LRRTM4: variants seen among roughly 807,000 people sequenced by gnomAD.
LRRTM4 encodes leucine rich repeat transmembrane neuronal 4, also known as leucine-rich repeat transmembrane neuronal protein 4.
Under a neutral mutation model 47.6 loss-of-function variants are expected in LRRTM4, and 25 were observed. That is an observed-to-expected ratio of 0.53 (90% CI 0.38 to 0.73). The LOEUF is 0.73. Ranked by LOEUF, LRRTM4 falls within the 30% of genes least tolerant of loss-of-function variation. The pLI is 0.00. For synonymous variants in LRRTM4, 311 were observed against 269.5 expected (o/e 1.15, Z -1.51); for missense variants, 638 against 713.4 (o/e 0.89, Z 1.20).
At chr2:77,449,708 G>A (rs1044621990) in intron 3 of LRRTM4, among the ~76,000 whole-genome samples, 1 of 152,212 alleles carries the variant, frequency 6.6e-6, no homozygotes, top group African/African-American at 2.4e-5. Context: ...ACTGTATCTT[G>A]TCTAGTGTGC....
At chr2:77,209,559 T>C (rs1674235774) in intron 3 of LRRTM4, among the ~76,000 whole-genome samples, 2 of 152,202 alleles carry the variant, frequency 1.3e-5, no homozygotes, top group Non-Finnish European at 2.9e-5. Flanking sequence ...GTAGGTATTA[T>C]CGACAATGTT....
chr2:77,171,908 A>C (rs1273257552), intron 3 of LRRTM4, among the ~76,000 whole-genome samples: 1 of 152,144 alleles, frequency 6.6e-6, no homozygotes, highest in African/African-American at 2.4e-5. Flanking sequence ...GGTTTGCACA[A>C]ACTTTGTAAG....
chr2:76,925,661 T>G (rs970551180), intron 3 of LRRTM4, among the ~76,000 whole-genome samples: 3 of 152,164 alleles, frequency 2.0e-5, no homozygotes, highest in African/African-American at 7.2e-5. Context: ...TGTAAAAGTG[T>G]GCTACCTGTT....
At chr2:76,785,922 C>A (rs1404626477) in intron 3 of LRRTM4, among the ~76,000 whole-genome samples, 4 of 152,036 alleles carry the variant, frequency 2.6e-5, no homozygotes, top group Non-Finnish European at 5.9e-5. Flanking sequence ...ACAAAATGAG[C>A]CATGGGTAGA....
intron 3 of LRRTM4, among the ~76,000 whole-genome samples, chr2:77,339,341 C>A (rs1434422006): frequency 6.6e-6 from 1 of 151,924 alleles, no homozygotes; most frequent in Non-Finnish European, 1.5e-5. Flanking sequence ...TCTAAAAATA[C>A]TTTAAATATA....
At chr2:77,512,920 G>C (rs1482207610) in intron 3 of LRRTM4, among the ~76,000 whole-genome samples, 1 of 152,102 alleles carries the variant, frequency 6.6e-6, no homozygotes, top group East Asian at 1.9e-4. Flanking sequence ...TTTATTGTCA[G>C]TTTAAAATCT....
chr2:77,211,646 G>A (rs1436936435), intron 3 of LRRTM4, among the ~76,000 whole-genome samples: 2 of 152,046 alleles, frequency 1.3e-5, no homozygotes, highest in African/African-American at 4.8e-5. Context: ...ACCCTTTTCA[G>A]GAAAATATGG....
chr2:76,755,827 T>C (rs537137709), intron 3 of LRRTM4, among the ~76,000 whole-genome samples: 1 of 152,206 alleles, frequency 6.6e-6, no homozygotes, highest in Admixed American at 6.5e-5. Context: ...TAAACTAAAA[T>C]TAAACTAAGC....
intron 3 of LRRTM4, among the ~76,000 whole-genome samples, chr2:77,250,282 T>C (rs1290450124): frequency 6.6e-6 from 1 of 152,152 alleles, no homozygotes; most frequent in Non-Finnish European, 1.5e-5. Context: ...CTAATGTAAA[T>C]TATGAACTTT....
At chr2:77,106,769 C>G (rs1486193718) in intron 3 of LRRTM4, among the ~76,000 whole-genome samples, 1 of 151,786 alleles carries the variant, frequency 6.6e-6, no homozygotes, top group Non-Finnish European at 1.5e-5. Context: ...CGTTAAGTTT[C>G]TAAGTTGCCA....
At chr2:77,314,090 A>T (rs385658) in intron 3 of LRRTM4, among the ~76,000 whole-genome samples, 6,114 of 152,258 alleles carry the variant, frequency 0.04, 185 homozygotes, top group East Asian at 0.083. Flanking sequence ...TAGATTTCAG[A>T]TCATTGTAAG....
chr2:76,820,916 AAATTAG>A (rs1409535690), intron 3 of LRRTM4, among the ~76,000 whole-genome samples: 116 of 51,514 alleles, frequency 2.3e-3, no homozygotes, highest in South Asian at 6.9e-3. Flanking sequence ...GAGGCTGTGA[AAATTAG>A]GGCAAACTGG....
chr2:77,086,559 C>A (rs1486521506), intron 3 of LRRTM4, among the ~76,000 whole-genome samples: 1 of 150,190 alleles, frequency 6.7e-6, no homozygotes, highest in East Asian at 2.0e-4. Flanking sequence ...CTCACTGCAA[C>A]CTCTGCCTCC....
rs746910563 is a variant in LRRTM4, at chr2:77,519,825, A to G, written c.44T>C (p.Val15Ala). ...LITQLKGMSV[V>A]LVLLPTLLLV... is the part of the protein sequence containing the mutation. ...CAGCAGTGTAGGAAGTAGCACCAGCACCACACTCATGCCTTTCAGCTGCGT... is the reference window on the plus strand; with the variant it reads ...CAGCAGTGTAGGAAGTAGCACCAGCGCCACACTCATGCCTTTCAGCTGCGT... Residue 15 changes from valine to alanine, a missense_variant, in exon 3 of 4, where the codon GTG becomes GCG. Val to Ala is a moderately conservative substitution (Grantham distance 64). Transcript: ENST00000409884. The surrounding 1 kb of genome is among the most constrained non-coding windows in gnomAD (Gnocchi z 4.6). The G allele has an allele frequency of 1.2e-6, 2 of 1,612,176 alleles. No homozygotes were observed. Among genetic ancestry groups the G allele is most frequent in the East Asian group, 2.2e-5 (1 of 44,734 alleles).
chr2:77,018,221 A>G (rs1222076459), intron 3 of LRRTM4, among the ~76,000 whole-genome samples: 1 of 134,840 alleles, frequency 7.4e-6, no homozygotes, highest in Non-Finnish European at 1.6e-5. Context: ...TTTCAAAAGT[A>G]CATTTCACTT....
intron 3 of LRRTM4, among the ~76,000 whole-genome samples, chr2:77,105,540 T>A (rs957269652): frequency 2.0e-5 from 3 of 149,734 alleles, no homozygotes; most frequent in African/African-American, 4.9e-5. Flanking sequence ...GGATAGCATT[T>A]GGAGATATAC....
At chr2:77,448,100 T>C in intron 3 of LRRTM4, among the ~76,000 whole-genome samples, 1 of 152,180 alleles carries the variant, frequency 6.6e-6, no homozygotes, top group East Asian at 1.9e-4. Flanking sequence ...AATCATTCTC[T>C]AATTAATTTC....
intron 3 of LRRTM4, among the ~76,000 whole-genome samples, chr2:76,941,734 C>T (rs1390818244): frequency 6.6e-6 from 1 of 152,078 alleles, no homozygotes; most frequent in African/African-American, 2.4e-5. Flanking sequence ...TGGGTTGGTT[C>T]CAAGTCTTTG....
At chr2:77,196,757 A>T (rs927054816) in intron 3 of LRRTM4, among the ~76,000 whole-genome samples, 1 of 152,150 alleles carries the variant, frequency 6.6e-6, no homozygotes, top group Non-Finnish European at 1.5e-5. Flanking sequence ...TAAATTAAAT[A>T]AAATAAAAAA....
Sources: allele counts gnomAD v4.1 joint callset (sites outside exome capture counted in the v4.1 genomes callset), GRCh38; gene constraint gnomAD v4.1.1; non-coding constraint Gnocchi (gnomAD v3.1); transcripts MANE v1.5; gene names NCBI Gene and HGNC (gene_info 2026-07-23, HGNC 2026-07-21).